DLG2: variants seen among roughly 807,000 people sequenced by gnomAD.
DLG2 encodes the protein discs large MAGUK scaffold protein 2.
DLG2 carries 45 observed loss-of-function variants against 132.5 expected under a neutral mutation model. The ratio of observed to expected loss-of-function variants is 0.34; its 90% confidence interval spans 0.27 to 0.44. DLG2 has a LOEUF of 0.44. DLG2 is among the 20% of genes least tolerant of loss of function. DLG2 has a pLI of 1.00. For missense variants in DLG2, 1,045 were observed against 1,196.9 expected (o/e 0.87, Z 1.87); for synonymous variants, 424 against 419.6 (o/e 1.01, Z -0.13).
At chr11:85,495,889 T>C (rs1397603375) in intron 3 of DLG2, among the ~76,000 whole-genome samples, 1 of 152,152 alleles carries the variant, frequency 6.6e-6, no homozygotes, top group Non-Finnish European at 1.5e-5. Context: ...CAAATGCCCA[T>C]CAGTGATAGG....
intron 18 of DLG2, among the ~76,000 whole-genome samples, chr11:83,711,256 G>A (rs2085346572): frequency 6.6e-6 from 1 of 152,246 alleles, no homozygotes; most frequent in African/African-American, 2.4e-5. Context: ...ACAATCACAT[G>A]GGATAGGGTG....
chr11:84,843,926 T>C (rs1242900630), intron 6 of DLG2, among the ~76,000 whole-genome samples: 1 of 151,108 alleles, frequency 6.6e-6, no homozygotes, highest in Non-Finnish European at 1.5e-5. Flanking sequence ...TGTATATATA[T>C]GTTCCCATTA....
chr11:85,235,958 T>C (rs2075564679), intron 4 of DLG2, among the ~76,000 whole-genome samples: 1 of 151,896 alleles, frequency 6.6e-6, no homozygotes, highest in South Asian at 2.1e-4. Context: ...AAAGGAGACT[T>C]ATTCAGTAGA....
At chr11:85,350,174 AT>A (rs1227579314) in intron 3 of DLG2, among the ~76,000 whole-genome samples, 2 of 152,152 alleles carry the variant, frequency 1.3e-5, no homozygotes, top group African/African-American at 4.8e-5. Context: ...GATGATGAGC[AT>A]TTTTTCACAT....
chr11:83,576,849 TG>T (rs1385535701), intron 19 of DLG2, among the ~76,000 whole-genome samples: 1 of 152,198 alleles, frequency 6.6e-6, no homozygotes, highest in East Asian at 1.9e-4. Flanking sequence ...GGAAGTACCC[TG>T]GGAATGGTAA....
Position 85,150,010 on chromosome 11 carries a change from A to ATTTTT in DLG2, c.282+4541_282+4545dup, listed in dbSNP as rs962380618. On this transcript the variant is annotated intron_variant, in intron 5 of 27. Transcript: ENST00000376104. ...ATTAACTCAAAAACATCAGTTTTTA[A>ATTTTT]TTTTTTTTTTTTTTTTTTTTTTTTT... 7.3e-3 allele frequency among the ~76,000 whole-genome samples: 816 copies of ATTTTT among 112,302 alleles called. 64 individuals are homozygous for ATTTTT. The highest frequency in any genetic ancestry group is 0.028 in the African/African-American group (734 of 26,096). 73.7% of individuals were successfully genotyped at this position (112,302 alleles called of 152,430 possible).
At position 84,630,979 on chromosome 11, in the gene DLG2, TTCTCTCTCTCTC is replaced by T. The variant is rs369904915; in HGVS notation, c.358-96260_358-96249del. 1.1e-3 allele frequency among the ~76,000 whole-genome samples: 55 copies of T among 51,244 alleles called. 1 individual carries two copies. The highest frequency in any genetic ancestry group is 3.0e-3 in the African/African-American group (41 of 13,744). 33.6% of individuals were successfully genotyped at this position (51,244 alleles called of 152,430 possible). A position where few individuals can be genotyped will look rare whatever the true frequency, so the allele number is the denominator to read the frequency against. On this transcript the variant is annotated intron_variant, in intron 6 of 27. Transcript: ENST00000376104. ...TGGTCTGGGTGATTCTTAAATGCAT[TTCTCTCTCTCTC>T]TCTCTCTCTCTCTCTCTCTCTCTCT... is the stretch of plus-strand genomic sequence containing the variant.
intron 7 of DLG2, among the ~76,000 whole-genome samples, chr11:84,371,440 G>T (rs1242659954): frequency 6.6e-6 from 1 of 151,648 alleles, no homozygotes; most frequent in East Asian, 1.9e-4. Flanking sequence ...TATAGACGGG[G>T]TTTTGCCCTT....
At chr11:83,849,413 T>C (rs2059249248) in intron 16 of DLG2, among the ~76,000 whole-genome samples, 1 of 151,566 alleles carries the variant, frequency 6.6e-6, no homozygotes, top group Non-Finnish European at 1.5e-5. Flanking sequence ...TCAAGTATTG[T>C]GTTATAGATG....
intron 4 of DLG2, among the ~76,000 whole-genome samples, chr11:85,249,941 AAAG>A (rs1471797889): frequency 5.9e-5 from 9 of 152,076 alleles, no homozygotes; most frequent in Non-Finnish European, 7.4e-5. Context: ...AAGAAAATAA[AAAG>A]AAGAAGAAAG....
chr11:85,245,492 C>G (rs377106290), intron 4 of DLG2, among the ~76,000 whole-genome samples: 21 of 151,904 alleles, frequency 1.4e-4, no homozygotes, highest in Admixed American at 2.0e-4. Context: ...CACTTCTCAC[C>G]ACTTCCATCA....
intron 6 of DLG2, among the ~76,000 whole-genome samples, chr11:84,856,945 AGTAT>A (rs2082867816): frequency 6.6e-6 from 1 of 152,012 alleles, no homozygotes; most frequent in South Asian, 2.1e-4. Flanking sequence ...AAGAACCAAA[AGTAT>A]GTTTTGTCAC....
chr11:85,028,146 C>G (rs1427191151), intron 6 of DLG2, among the ~76,000 whole-genome samples: 1 of 152,160 alleles, frequency 6.6e-6, no homozygotes, highest in East Asian at 1.9e-4. Context: ...TGGGTGGCTC[C>G]TTTCTGCAGG....
intron 7 of DLG2, among the ~76,000 whole-genome samples, chr11:84,342,845 T>G (rs987968542): frequency 2.0e-5 from 3 of 152,118 alleles, no homozygotes; most frequent in Non-Finnish European, 4.4e-5. Flanking sequence ...AATATCAACA[T>G]GCTAATAATA....
intron 10 of DLG2, among the ~76,000 whole-genome samples, chr11:84,097,726 T>C (rs1192547818): frequency 1.3e-5 from 2 of 152,122 alleles, no homozygotes; most frequent in Non-Finnish European, 2.9e-5. Context: ...TCAGCAAGAG[T>C]TTATTGAGCC....
At chr11:83,578,914 CCA>C (rs1346581537) in intron 19 of DLG2, among the ~76,000 whole-genome samples, 7 of 152,194 alleles carry the variant, frequency 4.6e-5, no homozygotes, top group Admixed American at 3.9e-4. Flanking sequence ...TGTTCTCAGA[CCA>C]CACAGACAGT....
At chr11:83,656,219 A>T (rs1468185947) in intron 18 of DLG2, among the ~76,000 whole-genome samples, 1 of 151,970 alleles carries the variant, frequency 6.6e-6, no homozygotes, top group Non-Finnish European at 1.5e-5. Flanking sequence ...ACAAAATCTC[A>T]TTCCAATGAA....
At chr11:83,596,726 C>CCATTAAAA (rs2057652477) in intron 19 of DLG2, among the ~76,000 whole-genome samples, 1 of 152,152 alleles carries the variant, frequency 6.6e-6, no homozygotes, top group Non-Finnish European at 1.5e-5. Flanking sequence ...CGTTTTAATC[C>CCATTAAAA]CATTATGTTC....
At chr11:85,030,724 C>T (rs1301820342) in intron 6 of DLG2, among the ~76,000 whole-genome samples, 1 of 152,084 alleles carries the variant, frequency 6.6e-6, no homozygotes, top group Non-Finnish European at 1.5e-5. Context: ...ATTATTTATA[C>T]TTTAAAATGT....
Sources: allele counts gnomAD v4.1 joint callset (sites outside exome capture counted in the v4.1 genomes callset), GRCh38; gene constraint gnomAD v4.1.1; transcripts MANE v1.5; gene names NCBI Gene and HGNC (gene_info 2026-07-23, HGNC 2026-07-21).